Variants in SVIL observed in about 807,000 individuals in gnomAD.
SVIL encodes archvillin.
SVIL carries 101 observed loss-of-function variants against 240.4 expected under a neutral mutation model. The observed-to-expected ratio is 0.42, with a 90% confidence interval of 0.36 to 0.50. The LOEUF is 0.50. SVIL is among the 20% of genes least tolerant of loss of function. The pLI, the probability that SVIL is intolerant of heterozygous loss-of-function variation, is 0.01. For synonymous variants in SVIL, 999 were observed against 1,100.0 expected, an observed-to-expected ratio of 0.91 and a Z score of 1.82; for missense variants, 2,512 against 2,818.7, an observed-to-expected ratio of 0.89 and a Z score of 2.46.
chr10:29,586,784 G>A (rs1222278039), intron 1 of SVIL, among the ~76,000 whole-genome samples: 1 of 152,240 alleles, frequency 6.6e-6, no homozygotes, highest in African/African-American at 2.4e-5. Flanking sequence ...GAAAACTAAC[G>A]TAGGAACAGA....
Position 29,491,051 on chromosome 10 carries a change from C to G in SVIL, c.4020-32G>C, listed in dbSNP as rs1432483123. 6 of 1,594,480 alleles carry G rather than the reference C, an allele frequency of 3.8e-6. No homozygotes were observed. The South Asian group carries it at 5.6e-5, about 15-fold the overall frequency. ...ATGGAAGCAGAGCCGCGGTCCCAGT[C>G]TGTGACACCACCACCCCTGGATGAC... On this transcript the variant is annotated intron_variant, in intron 21 of 37. Transcript: ENST00000355867.
intron 1 of SVIL, among the ~76,000 whole-genome samples, chr10:29,731,792 T>C (rs1964636224): frequency 6.6e-6 from 1 of 152,192 alleles, no homozygotes; most frequent in South Asian, 2.1e-4. Context: ...CAAAGGCGCC[T>C]GTCTTTTTAC....
chr10:29,497,580 AG>A (rs1298970189), intron 18 of SVIL, among the ~76,000 whole-genome samples: 1 of 152,232 alleles, frequency 6.6e-6, no homozygotes, highest in Non-Finnish European at 1.5e-5. Context: ...AGATTGCAGC[AG>A]GGACATCCCA....
At chr10:29,731,926 C>T (rs939747446) in intron 1 of SVIL, among the ~76,000 whole-genome samples, 5 of 152,246 alleles carry the variant, frequency 3.3e-5, no homozygotes, top group Admixed American at 3.3e-4. Flanking sequence ...TTTGAACAAG[C>T]TGCTATGTGA....
chr10:29,703,129 T>G (rs368458653), intron 1 of SVIL, among the ~76,000 whole-genome samples: 14 of 152,336 alleles, frequency 9.2e-5, no homozygotes, highest in African/African-American at 3.1e-4. Context: ...AGAGAGAGCT[T>G]AGTTTCTGTA....
intron 1 of SVIL, among the ~76,000 whole-genome samples, chr10:29,607,776 A>T (rs1162638779): frequency 6.6e-6 from 1 of 152,198 alleles, no homozygotes; most frequent in Non-Finnish European, 1.5e-5. Flanking sequence ...TCAGAGATGG[A>T]GCAGGTCAAG....
intron 3 of SVIL, among the ~76,000 whole-genome samples, chr10:29,557,955 G>T (rs1172327257): frequency 6.6e-6 from 1 of 152,178 alleles, no homozygotes; most frequent in Non-Finnish European, 1.5e-5. Flanking sequence ...GCCGCAGGAT[G>T]TTGAATGTCC....
At chr10:29,483,381 T>A (rs1480196930) in intron 27 of SVIL, 1 of 152,200 alleles carries the variant, frequency 6.6e-6, no homozygotes, top group African/African-American at 2.4e-5. Flanking sequence ...AAGGTCTGGG[T>A]ATGTAATCCT....
At chr10:29,731,351 A>ATAAGCTT in intron 1 of SVIL, among the ~76,000 whole-genome samples, 1 of 152,206 alleles carries the variant, frequency 6.6e-6, no homozygotes, top group Non-Finnish European at 1.5e-5. Context: ...ACTTCTTATA[A>ATAAGCTT]ACTGAAGTTT....
intron 1 of SVIL, among the ~76,000 whole-genome samples, chr10:29,698,908 C>T (rs1962290879): frequency 6.6e-6 from 1 of 152,164 alleles, no homozygotes; most frequent in East Asian, 1.9e-4. Flanking sequence ...TGCAGTGAAT[C>T]TCCCTCCGGC....
intron 2 of SVIL, among the ~76,000 whole-genome samples, chr10:29,675,475 A>G (rs1410944478): frequency 6.6e-6 from 1 of 152,068 alleles, no homozygotes; most frequent in East Asian, 1.9e-4. Flanking sequence ...CTGCACTGCA[A>G]TTGTCTCTAA....
At chr10:29,573,206 T>C (rs1955529381) in intron 1 of SVIL, among the ~76,000 whole-genome samples, 1 of 152,156 alleles carries the variant, frequency 6.6e-6, no homozygotes, top group Admixed American at 6.5e-5. Flanking sequence ...TCTTGTCCCC[T>C]TCCCGTATTC....
intron 3 of SVIL, among the ~76,000 whole-genome samples, chr10:29,640,388 G>A (rs1319378053): frequency 6.6e-6 from 1 of 152,102 alleles, no homozygotes; most frequent in Non-Finnish European, 1.5e-5. Flanking sequence ...GTTTCACTGA[G>A]TGTCCACCTC....
At chr10:29,551,844 C>T (rs1035722993) in intron 5 of SVIL, among the ~76,000 whole-genome samples, 1 of 152,162 alleles carries the variant, frequency 6.6e-6, no homozygotes, top group East Asian at 1.9e-4. Flanking sequence ...GGCATAGTGG[C>T]TCACACCTGT....
At chr10:29,572,115 T>C (rs1955452175) in intron 1 of SVIL, among the ~76,000 whole-genome samples, 1 of 152,130 alleles carries the variant, frequency 6.6e-6, no homozygotes. Flanking sequence ...TCAAACCAGG[T>C]GGACTTAGAC....
In SVIL at chr10:29,524,599, G is replaced by C; in HGVS notation, c.2459C>G (p.Ala820Gly). ...SSTLSLAEKL[A>G]LFNKLSQPVS... ...TGGCTGGGACAATTTGTTAAACAAGGCCAACTTTTCGGCCAAGCTTAGAGT... is the reference window on the plus strand; with the variant it reads ...TGGCTGGGACAATTTGTTAAACAAGCCCAACTTTTCGGCCAAGCTTAGAGT... The change falls in exon 14 of 38, where the codon GCC becomes GGC. Residue 820 changes from alanine (A) to glycine (G), a missense_variant. Physicochemically the swap from Ala to Gly is moderately conservative, Grantham distance 60. Transcript: ENST00000355867. 6.2e-7 allele frequency: 1 copy of C among 1,614,130 alleles called. No homozygotes were observed. Among genetic ancestry groups the C allele is most frequent in the Non-Finnish European group, 8.5e-7 (1 of 1,180,040 alleles).
At position 29,508,372 on chromosome 10, in the gene SVIL, C is replaced by T. The variant is rs937469903; in HGVS notation, c.3516+4363G>A. 9.0e-5 allele frequency: 116 copies of T among 1,289,098 alleles called. No individual in the cohort carries two copies. The African/African-American group carries it at 1.2e-3, about 13-fold the overall frequency. 79.9% of individuals were successfully genotyped at this position (1,289,098 alleles called of 1,614,324 possible). Reference sequence around the variant, plus strand: ...GCAGATTAGAAATGGCACTATCATCCGCAACTCCTCCTTCTTCCTACAGGT... The same window carrying T: ...GCAGATTAGAAATGGCACTATCATCTGCAACTCCTCCTTCTTCCTACAGGT... On this transcript the variant is annotated intron_variant, in intron 17 of 37. Transcript: ENST00000355867.
At chr10:29,486,919 C>T (rs556926534) in intron 24 of SVIL, among the ~76,000 whole-genome samples, 3 of 152,296 alleles carry the variant, frequency 2.0e-5, no homozygotes, top group South Asian at 4.1e-4. Flanking sequence ...CTTTTTTACA[C>T]AGGAGTAGGA....
At chr10:29,637,250 C>T (rs541133805), upstream of SVIL, among the ~76,000 whole-genome samples, 12 of 152,120 alleles carry the variant, frequency 7.9e-5, no homozygotes, top group African/African-American at 1.9e-4. Context: ...TTTGGTAGGC[C>T]GAGGCGGGTG....
Sources: gnomAD v4.1 joint callset for allele counts (sites outside exome capture counted in the v4.1 genomes callset) on GRCh38, gnomAD v4.1.1 for gene constraint, MANE v1.5 for transcripts, NCBI Gene and HGNC (gene_info 2026-07-23, HGNC 2026-07-21) for gene names.